ZNF536: variants seen among roughly 807,000 people sequenced by gnomAD.
ZNF536 encodes zinc finger protein 536.
ZNF536 carries 13 observed loss-of-function variants against 84.5 expected under a neutral mutation model. The observed-to-expected ratio is 0.15, with a 90% CI of 0.10 to 0.24. The LOEUF (loss-of-function observed/expected upper bound fraction) is 0.24. Ranked by LOEUF, ZNF536 falls within the 10% of genes least tolerant of loss-of-function variation. The probability of loss-of-function intolerance (pLI) is 1.00; values close to 1 mark genes in which losing one functional copy is unlikely to be tolerated. For synonymous variants in ZNF536, 811 were observed against 742.5 expected (o/e 1.09, Z -1.50); for missense variants, 1,536 against 1,747.5 (o/e 0.88, Z 2.16).
chr19:30,674,768 G>C (rs1466309790), intron 1 of ZNF536, among the ~76,000 whole-genome samples: 1 of 152,218 alleles, frequency 6.6e-6, no homozygotes, highest in Non-Finnish European at 1.5e-5. Context: ...CTCCTGTATA[G>C]TGTGTTCTTG....
At chr19:30,394,033 T>C (rs2049709013) in intron 1 of ZNF536, among the ~76,000 whole-genome samples, 1 of 151,920 alleles carries the variant, frequency 6.6e-6, no homozygotes, top group Non-Finnish European at 1.5e-5. Flanking sequence ...CAGGGCTAGA[T>C]GGGCAGGCAG....
chr19:30,678,428 C>T (rs2050836873), intron 1 of ZNF536, among the ~76,000 whole-genome samples: 1 of 152,162 alleles, frequency 6.6e-6, no homozygotes, highest in Non-Finnish European at 1.5e-5. Context: ...TGACTCTGGC[C>T]ACAGGCAGAG....
chr19:30,455,357 T>C (rs1247190277), intron 2 of ZNF536, among the ~76,000 whole-genome samples: 1 of 152,228 alleles, frequency 6.6e-6, no homozygotes, highest in Non-Finnish European at 1.5e-5. Context: ...TTTGATACAT[T>C]CATATAATGT....
chr19:30,565,728 G>A (rs902158307), intron 1 of ZNF536, among the ~76,000 whole-genome samples: 7 of 152,106 alleles, frequency 4.6e-5, no homozygotes, highest in African/African-American at 1.4e-4. Context: ...AATGCCTGCT[G>A]TCTGCTCTTG....
intron 2 of ZNF536, among the ~76,000 whole-genome samples, chr19:30,349,668 A>T (rs1340042146): frequency 6.6e-6 from 1 of 151,918 alleles, no homozygotes; most frequent in Non-Finnish European, 1.5e-5. Flanking sequence ...TCTGTGCTTT[A>T]TCCACCTCAG....
intron 2 of ZNF536, among the ~76,000 whole-genome samples, chr19:30,334,756 C>T (rs897219314): frequency 1.2e-4 from 18 of 152,234 alleles, no homozygotes; most frequent in South Asian, 8.3e-4. Context: ...ATTTTGGCAC[C>T]GGGGATCTGT....
intron 1 of ZNF536, among the ~76,000 whole-genome samples, chr19:30,594,851 T>C (rs2047400336): frequency 6.6e-6 from 1 of 151,704 alleles, no homozygotes; most frequent in Admixed American, 6.6e-5. Flanking sequence ...GAGGACCGGG[T>C]GTGGATGTAA....
intron 1 of ZNF536, among the ~76,000 whole-genome samples, chr19:30,698,784 C>T (rs969385425): frequency 6.6e-6 from 1 of 152,196 alleles, no homozygotes; most frequent in Non-Finnish European, 1.5e-5. Context: ...CTCTCCCGTC[C>T]CTTTCCATAC....
intron 1 of ZNF536, among the ~76,000 whole-genome samples, chr19:30,569,361 T>TG (rs1245025180): frequency 6.6e-6 from 1 of 151,804 alleles, no homozygotes; most frequent in Non-Finnish European, 1.5e-5. Flanking sequence ...GCCGTGTTCT[T>TG]GGGGGAGGTG....
At chr19:30,429,571 CA>C (rs973051359) in intron 1 of ZNF536, among the ~76,000 whole-genome samples, 1 of 152,042 alleles carries the variant, frequency 6.6e-6, no homozygotes, top group African/African-American at 2.4e-5. Context: ...TTGTTGTTCT[CA>C]AAAAAACTCC....
chr19:30,267,204 G>A (rs2025560980), intron 1 of ZNF536, among the ~76,000 whole-genome samples: 1 of 152,282 alleles, frequency 6.6e-6, no homozygotes, highest in East Asian at 1.9e-4. Flanking sequence ...AATTCTATAT[G>A]TTGTCAACAG....
At chr19:30,236,357 T>A (rs2023504875) in intron 1 of ZNF536, among the ~76,000 whole-genome samples, 1 of 152,248 alleles carries the variant, frequency 6.6e-6, no homozygotes, top group African/African-American at 2.4e-5. Context: ...CCATCTGCAA[T>A]TCTTTTTAGA....
chr19:30,692,013 C>G (rs1275247679), intron 1 of ZNF536, among the ~76,000 whole-genome samples: 1 of 152,158 alleles, frequency 6.6e-6, no homozygotes, highest in Non-Finnish European at 1.5e-5. Flanking sequence ...CGGTCATGGC[C>G]GGGCCTGGGA....
intron 4 of ZNF536, among the ~76,000 whole-genome samples, chr19:30,552,345 G>A (rs189650976): frequency 4.7e-4 from 72 of 152,304 alleles, no homozygotes; most frequent in Non-Finnish European, 8.1e-4. Flanking sequence ...TGTCTGGTTA[G>A]TAGACCTAAA....
chr19:30,435,665 C>T (rs2051712942), intron 1 of ZNF536, among the ~76,000 whole-genome samples: 1 of 152,070 alleles, frequency 6.6e-6, no homozygotes, highest in Admixed American at 6.6e-5. Flanking sequence ...AGTCCATAGT[C>T]TTAACAACTA....
intron 2 of ZNF536, among the ~76,000 whole-genome samples, chr19:30,316,305 A>T (rs2046676541): frequency 6.6e-6 from 1 of 152,180 alleles, no homozygotes; most frequent in Non-Finnish European, 1.5e-5. Context: ...TTGCTCCTTT[A>T]AATGTTTGCC....
chr19:30,412,165 T>A (rs918635329), intron 1 of ZNF536, among the ~76,000 whole-genome samples: 1 of 152,070 alleles, frequency 6.6e-6, no homozygotes, highest in Non-Finnish European at 1.5e-5. Flanking sequence ...GTACAGTCAT[T>A]TTCAACTGTG....
At chr19:30,239,861 T>C (rs963682272) in intron 1 of ZNF536, among the ~76,000 whole-genome samples, 1 of 152,132 alleles carries the variant, frequency 6.6e-6, no homozygotes, top group South Asian at 2.1e-4. Context: ...CACCTATCCA[T>C]GCCAAAAAGA....
At chr19:30,354,733 C>A (rs996852330) in intron 3 of ZNF536, among the ~76,000 whole-genome samples, 2 of 152,102 alleles carry the variant, frequency 1.3e-5, no homozygotes, top group African/African-American at 4.8e-5. Flanking sequence ...TAAATTTTGT[C>A]CCCTGGAGAC....
Sources: allele counts gnomAD v4.1 joint callset (sites outside exome capture counted in the v4.1 genomes callset), GRCh38; gene constraint gnomAD v4.1.1; transcripts MANE v1.5; gene names NCBI Gene and HGNC (gene_info 2026-07-23, HGNC 2026-07-21).